PPP1R12B: variants seen among roughly 807,000 people sequenced by gnomAD.
The protein encoded by PPP1R12B is protein phosphatase 1 regulatory subunit 12B.
Under a neutral mutation model 126.1 loss-of-function variants are expected in PPP1R12B, and 76 were observed. That is an observed-to-expected ratio of 0.60 (90% CI 0.50 to 0.73). The LOEUF is 0.73. Among genes scored for constraint, PPP1R12B ranks in the 30% least tolerant of loss-of-function variants. The pLI is 0.00. For synonymous variants in PPP1R12B, 356 were observed against 434.7 expected, an observed-to-expected ratio of 0.82 and a Z score of 2.25; for missense variants, 1,052 against 1,205.1, an observed-to-expected ratio of 0.87 and a Z score of 1.88.
chr1:202,449,249 C>T, intron 13 of PPP1R12B, 78 bp downstream of exon 13: 3 of 1,479,156 alleles, frequency 2.0e-6, no homozygotes, highest in Admixed American at 2.6e-5. Flanking sequence ...AAGTGTTTTT[C>T]CCAATTTCAA....
In PPP1R12B at chr1:202,437,869, CCTT is replaced by C; in HGVS notation, c.1308_1310del (p.Ser437del). 1.2e-6 allele frequency: 2 copies of C among 1,613,888 alleles called. No homozygotes were observed. The highest frequency in any genetic ancestry group is 1.7e-6 in the Non-Finnish European group (2 of 1,179,798). On this transcript the variant is annotated inframe_deletion, in exon 10 of 24. Coordinates refer to ENST00000608999, the MANE Select transcript of PPP1R12B (RefSeq NM_002481.4). ...GCCAGAAGAGCCCAAAGATGAATCT[CCTT>C]CTTCATGGAGATTGGGACTGAGAAA...
chr1:202,559,632 A>G (rs1453964302), intron 19 of PPP1R12B, among the ~76,000 whole-genome samples: 3 of 152,238 alleles, frequency 2.0e-5, no homozygotes, highest in Non-Finnish European at 4.4e-5. Context: ...TGATGGAGAA[A>G]TTAAGAGATT....
intron 1 of PPP1R12B, among the ~76,000 whole-genome samples, chr1:202,403,121 TA>T (rs1666093990): frequency 6.6e-6 from 1 of 152,108 alleles, no homozygotes; most frequent in South Asian, 2.1e-4. Flanking sequence ...TAATACAAAT[TA>T]ATAAAGAAGG....
At position 202,558,888 on chromosome 1, in the gene PPP1R12B, T is replaced by G; in HGVS notation, c.2502T>G (p.Leu834=). 1 of 1,582,354 alleles carries G rather than the reference T, an allele frequency of 6.3e-7. No individual in the cohort carries two copies. The highest frequency in any genetic ancestry group is 8.6e-7 in the Non-Finnish European group (1 of 1,158,138). ...EEVKETWHER[L]SRLESGGSNP... The stretch of plus-strand genomic sequence containing the variant: ...TCTCCTTTCTCTAGCATGAAAGACT[T>G]TCTAGGTAAGAACTCTCCCTGTTAT... Residue 834 remains leucine (L), a synonymous_variant, in exon 19 of 24, where the codon CTT becomes CTG. Transcript: ENST00000608999.
In PPP1R12B at chr1:202,591,104, TCACTGGTC is replaced by T. The variant is rs1035197329; in HGVS notation, c.*10547_*10554del. 6.6e-6 allele frequency: 1 copy of T among 152,216 alleles called. No individual in the cohort carries two copies. Among genetic ancestry groups the T allele is most frequent in the Non-Finnish European group, 1.5e-5 (1 of 68,082 alleles). The allele number at this position is 152,216 out of a possible 1,614,324, so 9.4% of individuals were successfully genotyped here. On this transcript the variant is annotated 3_prime_UTR_variant, in exon 24 of 24. Transcript: ENST00000608999. The stretch of plus-strand genomic sequence containing the variant: ...GAGCTGGAGGAAGCAAGACATGTCT[TCACTGGTC>T]CAAGCACCTGATTCCAGCCTGCTCT...
At chr1:202,475,029 AAATTTTAGATTT>A (rs1398723911) in intron 13 of PPP1R12B, among the ~76,000 whole-genome samples, 8 of 152,224 alleles carry the variant, frequency 5.3e-5, no homozygotes, top group Non-Finnish European at 1.0e-4. Context: ...GGGATCTTTA[AAATTTTAGATTT>A]ACCCCTTTGT....
intron 20 of PPP1R12B, among the ~76,000 whole-genome samples, chr1:202,563,555 C>G (rs944905687): frequency 6.7e-6 from 1 of 148,820 alleles, no homozygotes; most frequent in Admixed American, 6.8e-5. Flanking sequence ...ATTTGGTAGA[C>G]TGTTATTTTT....
At chr1:202,573,728 G>A (rs1471007875) in intron 23 of PPP1R12B, among the ~76,000 whole-genome samples, 1 of 152,132 alleles carries the variant, frequency 6.6e-6, no homozygotes, top group Non-Finnish European at 1.5e-5. Context: ...ATGGAATATG[G>A]GGTATCAGGA....
At chr1:202,485,112 G>A (rs755798428) in intron 13 of PPP1R12B, among the ~76,000 whole-genome samples, 4 of 152,194 alleles carry the variant, frequency 2.6e-5, no homozygotes, top group African/African-American at 2.4e-5. Context: ...GGTATGTACC[G>A]GTGAGGGGAC....
intron 1 of PPP1R12B, among the ~76,000 whole-genome samples, chr1:202,371,646 C>T (rs115825925): frequency 1.9e-3 from 283 of 151,888 alleles, no homozygotes; most frequent in African/African-American, 6.7e-3. Context: ...TGTTTCTTTA[C>T]GTTCTTGTTT....
intron 1 of PPP1R12B, among the ~76,000 whole-genome samples, chr1:202,378,247 C>CT (rs386369339): frequency 0.071 from 6,646 of 93,348 alleles, 623 homozygotes; most frequent in African/African-American, 0.21. Context: ...TGTCTTCATT[C>CT]TTTTTTTTTT....
At chr1:202,351,519 A>G (rs534844104) in intron 1 of PPP1R12B, among the ~76,000 whole-genome samples, 1 of 152,192 alleles carries the variant, frequency 6.6e-6, no homozygotes, top group East Asian at 1.9e-4. Context: ...GATTACAGGC[A>G]TGAGCCACCG....
At chr1:202,569,886 T>C (rs1328196882) in intron 23 of PPP1R12B, among the ~76,000 whole-genome samples, 1 of 151,942 alleles carries the variant, frequency 6.6e-6, no homozygotes, top group Non-Finnish European at 1.5e-5. Flanking sequence ...TTTTGAGTGC[T>C]AAGAACTGGA....
At chr1:202,452,332 G>A (rs1280031388) in intron 13 of PPP1R12B, among the ~76,000 whole-genome samples, 2 of 152,200 alleles carry the variant, frequency 1.3e-5, no homozygotes, top group Non-Finnish European at 2.9e-5. Flanking sequence ...CGGATCACTC[G>A]CGGTTAGGAG....
At position 202,446,256 on chromosome 1, in the gene PPP1R12B, A is replaced by ATATTTTTT. The variant is rs376183502; in HGVS notation, c.1668-2732_1668-2731insATTTTTTT. Among the ~76,000 whole-genome samples, 352 of 54,292 alleles carry ATATTTTTT rather than the reference A, an allele frequency of 6.5e-3. 6 individuals carry two copies. The highest frequency in any genetic ancestry group is 0.042 in the East Asian group (52 of 1,246). 35.6% of individuals were successfully genotyped at this position (54,292 alleles called of 152,430 possible). Reference sequence around the variant, plus strand: ...TCTCTCTATATATATATATATATATATTTTTTTTTTTTTTTGAGATGGAAT... The same window carrying ATATTTTTT: ...TCTCTCTATATATATATATATATATATATTTTTTTTTTTTTTTTTTTTTGAGATGGAAT... On this transcript the variant is annotated intron_variant, in intron 12 of 23. Coordinates refer to ENST00000608999, the MANE Select transcript of PPP1R12B (RefSeq NM_002481.4).
At chr1:202,575,254 T>A in intron 23 of PPP1R12B, 1 of 1,379,358 alleles carries the variant, frequency 7.2e-7, no homozygotes, top group Non-Finnish European at 9.7e-7. Flanking sequence ...CATATGCAGG[T>A]TCCTGCAAAG....
intron 1 of PPP1R12B, among the ~76,000 whole-genome samples, chr1:202,361,712 C>T (rs1184176469): frequency 6.6e-6 from 1 of 151,976 alleles, no homozygotes; most frequent in Non-Finnish European, 1.5e-5. Context: ...CCCTTGAGGT[C>T]CATTATGAAA....
intron 13 of PPP1R12B, among the ~76,000 whole-genome samples, chr1:202,450,503 C>T (rs1672799922): frequency 6.6e-6 from 1 of 152,140 alleles, no homozygotes; most frequent in South Asian, 2.1e-4. Flanking sequence ...CTATAATTAT[C>T]CCTTGTTAAG....
chr1:202,453,890 A>G (rs1673310050), intron 13 of PPP1R12B, among the ~76,000 whole-genome samples: 1 of 152,176 alleles, frequency 6.6e-6, no homozygotes, highest in South Asian at 2.1e-4. Flanking sequence ...TGTCTTTTCA[A>G]AATTGGTCTC....
Sources: gnomAD v4.1 joint callset for allele counts (sites outside exome capture counted in the v4.1 genomes callset) on GRCh38, gnomAD v4.1.1 for gene constraint, MANE v1.5 for transcripts, NCBI Gene and HGNC (gene_info 2026-07-23, HGNC 2026-07-21) for gene names.